Variants in LDLRAD3 observed in about 807,000 individuals in gnomAD.
LDLRAD3 encodes the protein low-density lipoprotein receptor class A domain-containing protein 3.
In LDLRAD3, 20 loss-of-function variants were observed where a neutral mutation model predicts 29.4. That is an observed-to-expected ratio of 0.68 (90% CI 0.48 to 0.99). LDLRAD3 has a LOEUF of 0.99. Among genes scored for constraint, LDLRAD3 ranks in the 50% least tolerant of loss-of-function variants. The probability of loss-of-function intolerance (pLI) is 0.00; values close to 1 mark genes in which losing one functional copy is unlikely to be tolerated. For missense variants in LDLRAD3, 420 were observed against 454.3 expected (o/e 0.92, Z 0.69); for synonymous variants, 157 against 192.7 (o/e 0.81, Z 1.53).
chr11:36,119,072 T>C (rs1040554654), intron 4 of LDLRAD3, among the ~76,000 whole-genome samples: 1 of 152,054 alleles, frequency 6.6e-6, no homozygotes, highest in Admixed American at 6.5e-5. Context: ...ATTGTTAGTG[T>C]AGTAAAATAC....
At chr11:36,174,822 A>C (rs1255509693) in intron 4 of LDLRAD3, among the ~76,000 whole-genome samples, 6 of 151,948 alleles carry the variant, frequency 3.9e-5, no homozygotes, top group Non-Finnish European at 7.4e-5. Context: ...TCTACTAAAA[A>C]TACAAAAAAA....
intron 1 of LDLRAD3, among the ~76,000 whole-genome samples, chr11:35,976,894 C>G (rs527344714): frequency 6.6e-6 from 1 of 152,132 alleles, no homozygotes; most frequent in South Asian, 2.1e-4. Context: ...ATGCATGTGT[C>G]TGTGTTTAGC....
intron 1 of LDLRAD3, among the ~76,000 whole-genome samples, chr11:35,963,968 G>A (rs1426148447): frequency 6.6e-6 from 1 of 152,192 alleles, no homozygotes; most frequent in Non-Finnish European, 1.5e-5. Context: ...TGTTGCTGGA[G>A]TTAGAGGAGG....
chr11:35,968,989 A>G (rs1185449451), intron 1 of LDLRAD3, among the ~76,000 whole-genome samples: 1 of 152,172 alleles, frequency 6.6e-6, no homozygotes, highest in African/African-American at 2.4e-5. Context: ...TCCTAAGTGC[A>G]TATGGTGTGC....
chr11:35,960,860 C>T (rs1049928133), intron 1 of LDLRAD3, among the ~76,000 whole-genome samples: 2 of 152,238 alleles, frequency 1.3e-5, no homozygotes, highest in African/African-American at 4.8e-5. Flanking sequence ...TCCCAAAGTG[C>T]TGGGATTACA....
chr11:36,191,577 T>TCTCTCTCC (rs1491311177), intron 4 of LDLRAD3, among the ~76,000 whole-genome samples: 1 of 39,086 alleles, frequency 2.6e-5, no homozygotes, highest in Non-Finnish European at 5.1e-5. Context: ...TCTCTCTCTC[T>TCTCTCTCC]ATATATATAT....
chr11:36,213,570 G>A lies in LDLRAD3; in HGVS notation c.455-13515G>A, dbSNP rs1158253239. Among the ~76,000 whole-genome samples the A allele has an allele frequency of 6.6e-6, 1 of 152,208 alleles. No homozygotes were observed. Among genetic ancestry groups the A allele is most frequent in the Non-Finnish European group, 1.5e-5 (1 of 68,036 alleles). On this transcript the variant is annotated intron_variant, in intron 4 of 5. Coordinates refer to ENST00000315571, the MANE Select transcript of LDLRAD3 (RefSeq NM_174902.4). This position sits in a 1 kb window ranked among gnomAD's most constrained non-coding sequence, Gnocchi z 4.1. ...CCCAGACAATCCCTTGATGCTTCCA[G>A]GCTTGAGAAAGTGTGGCTGCCACTG...
intron 4 of LDLRAD3, among the ~76,000 whole-genome samples, chr11:36,170,257 TAC>T (rs779051244): frequency 0.011 from 1,611 of 147,564 alleles, 30 homozygotes; most frequent in African/African-American, 0.038. Context: ...TATATATATA[TAC>T]ACATATATAT....
chr11:36,012,675 G>C (rs189106746), intron 1 of LDLRAD3, among the ~76,000 whole-genome samples: 47 of 152,256 alleles, frequency 3.1e-4, no homozygotes, highest in African/African-American at 1.0e-3. Context: ...AGAGCAGGAC[G>C]ACACGAGATT....
At chr11:36,032,135 AC>A (rs1361008814) in intron 1 of LDLRAD3, among the ~76,000 whole-genome samples, 1 of 152,086 alleles carries the variant, frequency 6.6e-6, no homozygotes, top group African/African-American at 2.4e-5. Flanking sequence ...TAACTTCATT[AC>A]CTCTTTAAAG....
chr11:35,996,690 A>G (rs1031627410), intron 1 of LDLRAD3, among the ~76,000 whole-genome samples: 1 of 152,214 alleles, frequency 6.6e-6, no homozygotes, highest in Non-Finnish European at 1.5e-5. Context: ...CTTTAGATCA[A>G]TAATTGATGT....
intron 4 of LDLRAD3, among the ~76,000 whole-genome samples, chr11:36,186,938 T>A (rs1295384666): frequency 6.6e-6 from 1 of 152,212 alleles, no homozygotes; most frequent in Non-Finnish European, 1.5e-5. Flanking sequence ...AAGTTGATAG[T>A]GGAGCTTGCA....
intron 4 of LDLRAD3, among the ~76,000 whole-genome samples, chr11:36,191,597 TATACACAC>T (rs1565292043): frequency 3.0e-5 from 3 of 101,346 alleles, no homozygotes; most frequent in African/African-American, 1.2e-4. Flanking sequence ...TATATATATA[TATACACAC>T]ACACACACAC....
At chr11:36,162,909 A>G (rs1300764705) in intron 4 of LDLRAD3, among the ~76,000 whole-genome samples, 7 of 152,200 alleles carry the variant, frequency 4.6e-5, no homozygotes, top group Non-Finnish European at 1.0e-4. Flanking sequence ...GGTTGTCGTT[A>G]TATCTGGATC....
chr11:36,177,157 A>C (rs546898189), intron 4 of LDLRAD3, among the ~76,000 whole-genome samples: 1 of 152,228 alleles, frequency 6.6e-6, no homozygotes, highest in South Asian at 2.1e-4. Flanking sequence ...TTTTATTTCC[A>C]GAAGTTGTAA....
At chr11:35,976,458 C>T (rs143744810) in intron 1 of LDLRAD3, among the ~76,000 whole-genome samples, 39 of 151,958 alleles carry the variant, frequency 2.6e-4, no homozygotes, top group Admixed American at 2.4e-3. Flanking sequence ...AGGTGGCCTC[C>T]GAAGGAGATC....
chr11:35,988,835 G>A (rs1014951652), intron 1 of LDLRAD3: 5 of 151,000 alleles, frequency 3.3e-5, no homozygotes, highest in Non-Finnish European at 7.4e-5. Flanking sequence ...TGCTCACCTC[G>A]GCCTCCCAAA....
chr11:36,101,635 T>C (rs944528556), intron 4 of LDLRAD3, among the ~76,000 whole-genome samples: 21 of 152,142 alleles, frequency 1.4e-4, no homozygotes, highest in Non-Finnish European at 2.4e-4. Flanking sequence ...TCATCCTTCG[T>C]AGGGTGTACA....
chr11:36,163,985 T>G (rs1413879708), intron 4 of LDLRAD3, among the ~76,000 whole-genome samples: 5 of 152,170 alleles, frequency 3.3e-5, no homozygotes, highest in African/African-American at 1.2e-4. Flanking sequence ...CCTGCCTGAC[T>G]GGATTAAGAA....
Sources: gnomAD v4.1 joint callset for allele counts (sites outside exome capture counted in the v4.1 genomes callset) on GRCh38, gnomAD v4.1.1 for gene constraint, Gnocchi (gnomAD v3.1) non-coding constraint, MANE v1.5 for transcripts, NCBI Gene and HGNC (gene_info 2026-07-23, HGNC 2026-07-21) for gene names.